UNC5C: variants seen among roughly 807,000 people sequenced by gnomAD.
UNC5C encodes the protein netrin receptor UNC5C.
Under a neutral mutation model 99.8 loss-of-function variants are expected in UNC5C, and 47 were observed. The ratio of observed to expected loss-of-function variants is 0.47; its 90% CI spans 0.37 to 0.60. The LOEUF (loss-of-function observed/expected upper bound fraction) is 0.60, where lower values mean the gene tolerates loss of function less well. Ranked by LOEUF, UNC5C falls within the 20% of genes least tolerant of loss-of-function variation. The pLI is 0.00. For synonymous variants in UNC5C, 487 were observed against 452.2 expected (o/e 1.08, Z -0.98); for missense variants, 1,062 against 1,165.9 (o/e 0.91, Z 1.30).
intron 1 of UNC5C, among the ~76,000 whole-genome samples, chr4:95,428,884 C>T (rs1746555560): frequency 6.6e-6 from 1 of 152,050 alleles, no homozygotes; most frequent in Admixed American, 6.6e-5. Context: ...TCCTGACAGC[C>T]CCGTCACTAG....
At chr4:95,203,130 T>C (rs1350888881) in intron 11 of UNC5C, among the ~76,000 whole-genome samples, 166 bp from the exon 12 acceptor site, 2 of 152,222 alleles carry the variant, frequency 1.3e-5, no homozygotes, top group Non-Finnish European at 2.9e-5. Flanking sequence ...TGTCTCTTTC[T>C]ACCATTGTCT....
chr4:95,531,230 G>A (rs1455398170), intron 1 of UNC5C, among the ~76,000 whole-genome samples: 1 of 152,194 alleles, frequency 6.6e-6, no homozygotes, highest in Admixed American at 6.5e-5. Flanking sequence ...TAAATTGACA[G>A]TCTTGAAGTC....
intron 2 of UNC5C, among the ~76,000 whole-genome samples, chr4:95,314,816 T>C (rs904282815): frequency 2.6e-5 from 4 of 152,186 alleles, no homozygotes; most frequent in African/African-American, 9.7e-5. Context: ...AAAATGATAA[T>C]GGTACTTAAA....
chr4:95,197,739 A>G (rs143219037), intron 12 of UNC5C, among the ~76,000 whole-genome samples: 100 of 152,288 alleles, frequency 6.6e-4, no homozygotes, highest in African/African-American at 2.1e-3. Context: ...TAGAACAGGT[A>G]TCTTGAGAGT....
At chr4:95,520,943 G>C (rs1018640390) in intron 1 of UNC5C, among the ~76,000 whole-genome samples, 3 of 151,952 alleles carry the variant, frequency 2.0e-5, no homozygotes, top group Admixed American at 1.3e-4. Flanking sequence ...TTGTTCCTAT[G>C]TAGCCTGGGA....
chr4:95,480,295 A>G (rs948719103), intron 1 of UNC5C, among the ~76,000 whole-genome samples: 6 of 148,796 alleles, frequency 4.0e-5, no homozygotes, highest in African/African-American at 1.5e-4. Flanking sequence ...GTGTGTGTAT[A>G]TATAGATAGC....
Position 95,250,477 on chromosome 4 carries a change from G to A in UNC5C, c.775+10C>T. The A allele has an allele frequency of 6.2e-7, 1 of 1,611,632 alleles. No homozygotes were observed. Among genetic ancestry groups the A allele is most frequent in the Non-Finnish European group, 8.5e-7 (1 of 1,178,858 alleles). On this transcript the variant is annotated intron_variant, in intron 5 of 15. Transcript: ENST00000453304. ...CATGAACTAGATTGAGACCCTGAAG[G>A]GCCACTCACCATAGACTATGACAGT...
At chr4:95,206,905 T>TC (rs1033962512) in intron 10 of UNC5C, 109 bp from the exon 11 acceptor site, 62 of 854,472 alleles carry the variant, frequency 7.3e-5, no homozygotes, top group Non-Finnish European at 9.7e-5. Context: ...TGGAATTCTT[T>TC]TTTTTTTTTT....
At chr4:95,412,433 C>G (rs570651617) in intron 1 of UNC5C, among the ~76,000 whole-genome samples, 3 of 152,122 alleles carry the variant, frequency 2.0e-5, no homozygotes, top group Non-Finnish European at 4.4e-5. Context: ...TAGGTCCCCT[C>G]CAATCCTAGA....
rs1383374649 is a variant in UNC5C, at chr4:95,506,963, T to C, written c.124+41771A>G. Among the ~76,000 whole-genome samples the C allele has an allele frequency of 5.0e-5, 7 of 140,574 alleles. No individual in the cohort carries two copies. The South Asian group carries it at 1.3e-3, about 26-fold the overall frequency. The allele number at this position is 140,574 out of a possible 152,430, so 92.2% of individuals were successfully genotyped here. On this transcript the variant is annotated intron_variant, in intron 1 of 15. Coordinates refer to ENST00000453304, the MANE Select transcript of UNC5C (RefSeq NM_003728.4). Reference sequence around the variant, plus strand: ...TGCAAGGTATAATACAAATAACAAATAATAAATAGTATGTGCATATACACA... The same window carrying C: ...TGCAAGGTATAATACAAATAACAAACAATAAATAGTATGTGCATATACACA...
At chr4:95,484,043 A>G (rs978525875) in intron 1 of UNC5C, among the ~76,000 whole-genome samples, 13 of 151,818 alleles carry the variant, frequency 8.6e-5, no homozygotes, top group African/African-American at 3.1e-4. Context: ...GAAGAGACAA[A>G]CAATCAACAA....
At chr4:95,477,558 G>A (rs1720966803) in intron 1 of UNC5C, among the ~76,000 whole-genome samples, 1 of 152,018 alleles carries the variant, frequency 6.6e-6, no homozygotes, top group Non-Finnish European at 1.5e-5. Context: ...GAGAGACAAA[G>A]TTGTTAGAGC....
chr4:95,199,648 G>T (rs1463249044), intron 12 of UNC5C, among the ~76,000 whole-genome samples: 3 of 152,088 alleles, frequency 2.0e-5, no homozygotes, highest in Admixed American at 2.0e-4. Flanking sequence ...ATTTTTGCAT[G>T]TATTTGTGTG....
At chr4:95,262,967 A>G (rs1740301118) in intron 4 of UNC5C, among the ~76,000 whole-genome samples, 1 of 152,086 alleles carries the variant, frequency 6.6e-6, no homozygotes, top group Non-Finnish European at 1.5e-5. Flanking sequence ...GGCATGTGCC[A>G]TCATGCCTGG....
At chr4:95,228,347 T>C (rs1353079126) in intron 7 of UNC5C, among the ~76,000 whole-genome samples, 3 of 152,268 alleles carry the variant, frequency 2.0e-5, no homozygotes, top group Admixed American at 2.0e-4. Context: ...ACTGTTTTTA[T>C]GCCATACTAC....
chr4:95,368,033 C>T (rs1393892235), intron 1 of UNC5C, among the ~76,000 whole-genome samples: 1 of 152,098 alleles, frequency 6.6e-6, no homozygotes, highest in African/African-American at 2.4e-5. Flanking sequence ...ATGAAAGTAA[C>T]CCAGACACAG....
At chr4:95,540,329 C>T (rs950701514) in intron 1 of UNC5C, among the ~76,000 whole-genome samples, 20 of 152,086 alleles carry the variant, frequency 1.3e-4, no homozygotes, top group Non-Finnish European at 2.4e-4. Flanking sequence ...GTCTCTATTC[C>T]GGATAGCACA....
chr4:95,329,385 A>C (rs1375499615), intron 2 of UNC5C, among the ~76,000 whole-genome samples: 1 of 152,234 alleles, frequency 6.6e-6, no homozygotes, highest in African/African-American at 2.4e-5. Flanking sequence ...AGCTTTGTGC[A>C]CATTTGGAAT....
chr4:95,531,671 T>C (rs1029285736), intron 1 of UNC5C, among the ~76,000 whole-genome samples: 4 of 152,170 alleles, frequency 2.6e-5, no homozygotes, highest in African/African-American at 9.7e-5. Context: ...TTTCAGACAA[T>C]AGTCAATTAC....
Sources: gnomAD v4.1 joint callset for allele counts (sites outside exome capture counted in the v4.1 genomes callset) on GRCh38, gnomAD v4.1.1 for gene constraint, MANE v1.5 for transcripts, NCBI Gene and HGNC (gene_info 2026-07-23, HGNC 2026-07-21) for gene names.